The following PHF14 variants were observed in gnomAD, a reference collection of about 807,000 sequenced individuals.
PHF14 encodes the protein PHD finger protein 14.
In PHF14, 55 loss-of-function variants were observed where a neutral mutation model predicts 117.9. The observed-to-expected ratio is 0.47, with a 90% CI of 0.38 to 0.58. The LOEUF is 0.58. Ranked by LOEUF, PHF14 falls within the 20% of genes least tolerant of loss-of-function variation. The pLI, the probability that PHF14 is intolerant of heterozygous loss-of-function variation, is 0.00. For missense variants in PHF14, 978 were observed against 1,122.2 expected (o/e 0.87, Z 1.84); for synonymous variants, 409 against 368.6 (o/e 1.11, Z -1.26).
intron 3 of PHF14, among the ~76,000 whole-genome samples, chr7:10,984,491 A>G (rs775468400): frequency 1.3e-4 from 20 of 152,198 alleles, no homozygotes; most frequent in African/African-American, 1.9e-4. Context: ...TTAAACAGGC[A>G]TGGAAAAATC....
chr7:11,047,249 T>C (rs1455990371), intron 13 of PHF14, among the ~76,000 whole-genome samples: 1 of 151,908 alleles, frequency 6.6e-6, no homozygotes, highest in Admixed American at 6.6e-5. Context: ...TTTGTATTTT[T>C]AGTAGAGATG....
At chr7:10,997,359 TGAG>T (rs1177719192) in intron 4 of PHF14, among the ~76,000 whole-genome samples, 2 of 152,198 alleles carry the variant, frequency 1.3e-5, no homozygotes, top group Non-Finnish European at 2.9e-5. Flanking sequence ...ATTCCTGTGA[TGAG>T]TTTTTATATA....
intron 16 of PHF14, chr7:11,105,300 A>G: frequency 6.3e-6 from 6 of 946,690 alleles, no homozygotes; most frequent in Non-Finnish European, 6.3e-6. Context: ...TGTTAAAAAT[A>G]GACTGCTGAC....
At position 11,021,905 on chromosome 7, in the gene PHF14, T is replaced by C. The variant is rs1055508964; in HGVS notation, c.1206-963T>C. On this transcript the variant is annotated intron_variant, in intron 5 of 17. Coordinates refer to ENST00000634607, the MANE Select transcript of PHF14 (RefSeq NM_001007157.2). ...TAATGCACCACAAAAACCAGAACCA[T>C]GTAGCATGCATAGCCTCTGAAGTTG... 2.6e-5 allele frequency among the ~76,000 whole-genome samples: 4 copies of C among 152,128 alleles called. No homozygotes were observed. The East Asian group carries it at 5.8e-4, about 22-fold the overall frequency.
At chr7:11,006,029 T>G (rs1257809512) in intron 4 of PHF14, among the ~76,000 whole-genome samples, 1 of 152,028 alleles carries the variant, frequency 6.6e-6, no homozygotes, top group Non-Finnish European at 1.5e-5. Context: ...CCAGACCTCA[T>G]GATCTGCCCA....
chr7:11,045,992 A>AG (rs1238938428), intron 13 of PHF14, among the ~76,000 whole-genome samples: 1 of 152,184 alleles, frequency 6.6e-6, no homozygotes, highest in Non-Finnish European at 1.5e-5. Context: ...GGGAAAACCT[A>AG]GGGGCTTCTT....
At chr7:11,074,867 T>C (rs1785769213) in intron 16 of PHF14, among the ~76,000 whole-genome samples, 1 of 151,838 alleles carries the variant, frequency 6.6e-6, no homozygotes, top group African/African-American at 2.4e-5. Context: ...TGTCTTCTTC[T>C]CAGCCCTCTA....
intron 2 of PHF14, among the ~76,000 whole-genome samples, chr7:10,978,305 A>G (rs1404632504): frequency 1.3e-5 from 2 of 152,248 alleles, no homozygotes; most frequent in African/African-American, 2.4e-5. Flanking sequence ...AAAAATTAGA[A>G]TAATTAAATA....
At position 11,111,396 on chromosome 7, in the gene PHF14, C is replaced by A; in HGVS notation, c.2701C>A (p.Pro901Thr). The part of the protein sequence containing the change: ...LCYHFGCLDP[P>T]LKKSPKQTGY... ...CTACCATTTTGGCTGTTTGGATCCTCCTTTGAAAAAGTCTCCTAAACAGAC... is the reference window on the plus strand; with the variant it reads ...CTACCATTTTGGCTGTTTGGATCCTACTTTGAAAAAGTCTCCTAAACAGAC... Residue 901 changes from proline (P) to threonine (T), a missense_variant, in exon 17 of 18, where the codon CCT (proline) becomes ACT (threonine). By Grantham distance (38) the Pro-to-Thr change is conservative. This residue lies in a region of PHF14 where 180 missense variants were observed against 195.4 expected (regional missense o/e 0.92). Transcript: ENST00000634607. 6.2e-7 allele frequency: 1 copy of A among 1,609,134 alleles called. No homozygotes were observed. The highest frequency in any genetic ancestry group is 8.5e-7 in the Non-Finnish European group (1 of 1,177,164).
chr7:10,979,520 A>G (rs1275899377), intron 2 of PHF14, among the ~76,000 whole-genome samples: 2 of 150,946 alleles, frequency 1.3e-5, no homozygotes, highest in African/African-American at 2.4e-5. Flanking sequence ...TAATTTCTCC[A>G]GTATATTTCT....
intron 16 of PHF14, among the ~76,000 whole-genome samples, chr7:11,080,695 A>G (rs542608098): frequency 6.6e-6 from 1 of 152,186 alleles, no homozygotes; most frequent in Non-Finnish European, 1.5e-5. Flanking sequence ...CAAAAGTACT[A>G]TTCAGGACAT....
chr7:11,077,599 TAA>T (rs10658162), intron 16 of PHF14, among the ~76,000 whole-genome samples: 16 of 105,034 alleles, frequency 1.5e-4, no homozygotes, highest in African/African-American at 2.0e-4. Flanking sequence ...GACTCTGTCT[TAA>T]AAAAAAAAAA....
At chr7:11,093,442 G>C (rs1400786937) in intron 16 of PHF14, among the ~76,000 whole-genome samples, 1 of 152,070 alleles carries the variant, frequency 6.6e-6, no homozygotes. Flanking sequence ...TTGTTGCTCT[G>C]CTTACCTCAG....
At chr7:10,998,859 A>G (rs1782757449) in intron 4 of PHF14, among the ~76,000 whole-genome samples, 3 of 152,162 alleles carry the variant, frequency 2.0e-5, no homozygotes, top group Admixed American at 1.3e-4. Flanking sequence ...GCTGAGTACC[A>G]TCTCTACTTC....
rs1386001916 is a variant in PHF14, at chr7:11,141,829, T to C, written c.2773-27587T>C. Among the ~76,000 whole-genome samples, 2 of 152,142 alleles carry C rather than the reference T, an allele frequency of 1.3e-5. 1 individual carries two copies. The highest frequency in any genetic ancestry group is 1.3e-4 in the Admixed American group (2 of 15,258). ...TACTTACATAACTTTATTATTGATA[T>C]AGATTTTTTTATTCCTACTTGATAC... On this transcript the variant is annotated intron_variant, in intron 17 of 17. Transcript: ENST00000634607.
chr7:11,155,315 A>C (rs535965658), intron 17 of PHF14, among the ~76,000 whole-genome samples: 1 of 152,186 alleles, frequency 6.6e-6, no homozygotes, highest in Admixed American at 6.5e-5. Context: ...ACAAAGCCCA[A>C]ATTTCCTCCA....
chr7:11,087,559 C>T (rs1786464648), intron 16 of PHF14, among the ~76,000 whole-genome samples: 1 of 152,090 alleles, frequency 6.6e-6, no homozygotes, highest in African/African-American at 2.4e-5. Context: ...GATATTGGGC[C>T]ATAATCTTTG....
rs1004215113 is a variant in PHF14, at chr7:11,087,046, G to A, written c.2655-24304G>A. ...TCACTACATCTTAATCCAGTTTTGG[G>A]TAGCATAAAATAAATAAGGGTATAC... is the stretch of plus-strand genomic sequence containing the variant. On this transcript the variant is annotated intron_variant, in intron 16 of 17. Coordinates refer to ENST00000634607, the MANE Select transcript of PHF14 (RefSeq NM_001007157.2). 2.6e-5 allele frequency among the ~76,000 whole-genome samples: 4 copies of A among 152,088 alleles called. No individual in the cohort carries two copies. The South Asian group carries it at 6.2e-4, about 24-fold the overall frequency.
intron 16 of PHF14, among the ~76,000 whole-genome samples, chr7:11,068,090 C>T (rs1785483337): frequency 6.6e-6 from 1 of 152,142 alleles, no homozygotes; most frequent in African/African-American, 2.4e-5. Flanking sequence ...GTGGCTCACG[C>T]CTGTAATCCC....
Sources: gnomAD v4.1 joint callset for allele counts (sites outside exome capture counted in the v4.1 genomes callset) on GRCh38, gnomAD v4.1.1 for gene constraint, gnomAD v4.1.1 regional missense constraint, MANE v1.5 for transcripts, NCBI Gene and HGNC (gene_info 2026-07-23, HGNC 2026-07-21) for gene names.